Variants in EPS8L3 observed in about 807,000 individuals in gnomAD.
EPS8L3 encodes EPS8 signaling adaptor L3.
EPS8L3 carries 80 observed loss-of-function variants against 88.5 expected under a neutral mutation model. The ratio of observed to expected loss-of-function variants is 0.90; its 90% CI spans 0.75 to 1.09. The LOEUF (loss-of-function observed/expected upper bound fraction) is 1.09. Ranked by LOEUF, EPS8L3 falls within the 50% of genes least tolerant of loss-of-function variation. The pLI is 0.00. For synonymous variants in EPS8L3, 286 were observed against 291.0 expected, an observed-to-expected ratio of 0.98 and a Z score of 0.18; for missense variants, 721 against 735.2, an observed-to-expected ratio of 0.98 and a Z score of 0.22.
Position 109,759,519 on chromosome 1 carries a change from G to T in EPS8L3, c.256-132C>A, listed in dbSNP as rs1650684050. The T allele has an allele frequency of 2.0e-6, 3 of 1,501,886 alleles. No homozygotes were observed. The highest frequency in any genetic ancestry group is 2.7e-6 in the Non-Finnish European group (3 of 1,113,486). 93.0% of individuals were successfully genotyped at this position (1,501,886 alleles called of 1,614,324 possible). On this transcript the variant is annotated intron_variant, in intron 4 of 18. Coordinates refer to ENST00000361965, the MANE Select transcript of EPS8L3 (RefSeq NM_133181.4). This position sits in a 1 kb window ranked among gnomAD's most constrained non-coding sequence, Gnocchi z 4.2. ...TCATCTACCTGACTCTTGTGCCTCT[G>T]TCCCCAGCCTCTGTCCCCTGTCTCT...
At chr1:109,751,513 A>C in intron 16 of EPS8L3, 141 bp downstream of exon 16, 1 of 1,397,916 alleles carries the variant, frequency 7.2e-7, no homozygotes, top group Non-Finnish European at 9.9e-7. Flanking sequence ...CTCTGGCCCC[A>C]TGATAAAGTT....
chr1:109,751,967 C>A, intron 15 of EPS8L3, 28 bp downstream of exon 15: 1 of 1,574,910 alleles, frequency 6.3e-7, no homozygotes, highest in Non-Finnish European at 8.6e-7. Context: ...CCACCACCTC[C>A]TTTTCTAGCC....
intron 7 of EPS8L3, 45 bp downstream of exon 7, chr1:109,758,479 T>C (rs1307196296): frequency 6.4e-7 from 1 of 1,562,202 alleles, no homozygotes; most frequent in Non-Finnish European, 8.7e-7. Flanking sequence ...CTTTGACTTT[T>C]CATCGAAACC....
In EPS8L3 at chr1:109,750,723, C is replaced by A. The variant is rs1315738876; in HGVS notation, c.1707G>T (p.Met569Ile). The A allele has an allele frequency of 1.9e-6, 3 of 1,614,108 alleles. No homozygotes were observed. The highest frequency in any genetic ancestry group is 1.3e-5 in the African/African-American group (1 of 74,950). Residue 569 changes from methionine (M) to isoleucine (I), a missense_variant, in exon 18 of 19, where the codon ATG (methionine) becomes ATT (isoleucine). Met to Ile is a conservative substitution (Grantham distance 10). Coordinates refer to ENST00000361965, the MANE Select transcript of EPS8L3 (RefSeq NM_133181.4). ...TTCGTGGGGCCTCCTGTGGACATAG[C>A]ATCTGTAGCTCCCCAGGTCTTATGC... The part of the protein sequence containing the change: ...LLRIRPGELQ[M>I]LCPQEAPRIL...
rs1650613052 is a variant in EPS8L3 at position 109,759,088 on chromosome 1, C to T, written c.435G>A (p.Lys145=). 6.2e-7 allele frequency: 1 copy of T among 1,609,782 alleles called. No homozygotes were observed. Among genetic ancestry groups the T allele is most frequent in the Non-Finnish European group, 8.5e-7 (1 of 1,178,832 alleles). Residue 145 remains lysine, a synonymous_variant, in exon 6 of 19, where the codon AAG becomes AAA. Coordinates refer to ENST00000361965, the MANE Select transcript of EPS8L3 (RefSeq NM_133181.4). This position sits in a 1 kb window ranked among gnomAD's most constrained non-coding sequence, Gnocchi z 4.2. ...TTTGCTCCAGCTCTTCCTCCAGAGC[C>T]TTCTGCAGGCTGGTCTTCAGTCGCT... ...GAERLKTSLQ[K]ALEEELEQRP...
At chr1:109,760,222 G>A (rs1356060623) in intron 3 of EPS8L3, among the ~76,000 whole-genome samples, 1 of 152,100 alleles carries the variant, frequency 6.6e-6, no homozygotes, top group East Asian at 1.9e-4. Context: ...GGCTTCCTTT[G>A]TTCCTTTTGG....
chr1:109,757,086 A>G lies in EPS8L3; in HGVS notation c.1049T>C (p.Leu350Pro). Residue 350 changes from leucine (L) to proline (P), a missense_variant, in exon 12 of 19, where the codon CTA (leucine) becomes CCA (proline). Coordinates refer to ENST00000361965, the MANE Select transcript of EPS8L3 (RefSeq NM_133181.4). ...CTCAGGTGGGCTTAGACAGGACTGT[A>G]GCAGGTTGATAGCTTTAGGGGTGAG... is the stretch of plus-strand genomic sequence containing the variant. ...PLLTPKAINL[L>P]QSCLSPPESN... The G allele has an allele frequency of 6.2e-7, 1 of 1,614,160 alleles. No individual in the cohort carries two copies. Among genetic ancestry groups the G allele is most frequent in the Non-Finnish European group, 8.5e-7 (1 of 1,179,998 alleles).
chr1:109,752,055 C>G lies in EPS8L3; in HGVS notation c.1374G>C (p.Leu458Phe), dbSNP rs370318041. ...GTGGGTTCCTAGCTTCAAACTCGTA[C>G]AAGACTTGCATTTTCAGGGCTGGCT... The part of the protein sequence containing the change: ...PAQPALKMQV[L>F]YEFEARNPRE... Residue 458 changes from leucine to phenylalanine, a missense_variant, in exon 15 of 19, where the codon TTG becomes TTC. Coordinates refer to ENST00000361965, the MANE Select transcript of EPS8L3 (RefSeq NM_133181.4). 6.2e-7 allele frequency: 1 copy of G among 1,613,866 alleles called. No homozygotes were observed. The highest frequency in any genetic ancestry group is 1.3e-5 in the African/African-American group (1 of 74,886).
chr1:109,761,830 C>T lies in EPS8L3; in HGVS notation c.-24-57G>A, dbSNP rs1477205117. On this transcript the variant is annotated intron_variant, in intron 1 of 18. Transcript: ENST00000361965. Reference sequence around the variant, plus strand: ...CAGAGCTGGGGAAAGGTGTACCAGGCACAGCAGGGCAGGACAGTTGCTATT... The same window carrying T: ...CAGAGCTGGGGAAAGGTGTACCAGGTACAGCAGGGCAGGACAGTTGCTATT... The T allele has an allele frequency of 2.7e-6, 4 of 1,493,248 alleles. No homozygotes were observed. The African/African-American group carries it at 4.1e-5, about 15-fold the overall frequency. The allele number at this position is 1,493,248 out of a possible 1,614,324, so 92.5% of individuals were successfully genotyped here. A position where few individuals can be genotyped will look rare whatever the true frequency, so the allele number is the denominator to read the frequency against.
Position 109,750,372 on chromosome 1 carries a change from G to T in EPS8L3, c.*19C>A. On this transcript the variant is annotated 3_prime_UTR_variant, in exon 19 of 19. Transcript: ENST00000361965. ...TTGCATCAGCGGGGCCTGGTTCTTG[G>T]AGGTGTCTAAGCTGGTGCCTAAGGG... 7 of 1,613,694 alleles carry T rather than the reference G, an allele frequency of 4.3e-6. No homozygotes were observed. Among genetic ancestry groups the T allele is most frequent in the Non-Finnish European group, 5.1e-6 (6 of 1,179,844 alleles).
chr1:109,757,835 GC>G lies in EPS8L3; in HGVS notation c.860del (p.Cys287SerfsTer19). The G allele has an allele frequency of 6.2e-7, 1 of 1,614,202 alleles. No individual in the cohort carries two copies. The highest frequency in any genetic ancestry group is 1.1e-5 in the South Asian group (1 of 91,088). On this transcript the variant is annotated frameshift_variant, in exon 10 of 19. Transcript: ENST00000361965. LOFTEE classifies it high-confidence loss of function. ...TGAAGCTGTGCTTGATCTTCTGGAA[GC>G]AGTCAATGTACTGTGCCTGGGTGAG... ...GGLTQAQYIDCFQKIKHSFNL... is the reference protein window; with the variant it reads ...GGLTQAQYIDXFQKIKHSFNL...
At chr1:109,757,215 A>G (rs766745634) in intron 11 of EPS8L3, 50 bp from the exon 12 acceptor site, 4 of 1,533,582 alleles carry the variant, frequency 2.6e-6, no homozygotes, top group Admixed American at 4.2e-5. Context: ...CACAGGGCCC[A>G]GTGAGGGTGG....
chr1:109,756,324 C>T (rs760274977), intron 12 of EPS8L3, among the ~76,000 whole-genome samples: 6 of 152,182 alleles, frequency 3.9e-5, no homozygotes, highest in African/African-American at 9.7e-5. Flanking sequence ...CTACAACCTC[C>T]GCCTCCCAGG....
At position 109,757,070 on chromosome 1, in the gene EPS8L3, G is replaced by A; in HGVS notation, c.1065C>T (p.Ser355=). The change falls in exon 12 of 19, where the codon AGC becomes AGT. Residue 355 remains serine (S), a synonymous_variant. Coordinates refer to ENST00000361965, the MANE Select transcript of EPS8L3 (RefSeq NM_133181.4). The part of the protein sequence containing the change: ...KAINLLQSCL[S]PPESNLWMGL... ...CCATCCAAAGGTTACTCTCAGGTGGGCTTAGACAGGACTGTAGCAGGTTGA... is the reference window on the plus strand; with the variant it reads ...CCATCCAAAGGTTACTCTCAGGTGGACTTAGACAGGACTGTAGCAGGTTGA... 2 of 1,614,200 alleles carry A rather than the reference G, an allele frequency of 1.2e-6. No homozygotes were observed. The highest frequency in any genetic ancestry group is 1.7e-6 in the Non-Finnish European group (2 of 1,180,036).
At chr1:109,763,468 G>A (rs78864188) in intron 1 of EPS8L3, among the ~76,000 whole-genome samples, 69 of 152,288 alleles carry the variant, frequency 4.5e-4, no homozygotes, top group African/African-American at 1.5e-3. Flanking sequence ...CTACCCCAGG[G>A]AGGGAAGAGG....
rs903131050 is a variant in EPS8L3, at chr1:109,753,265, G to C, written c.1119-67C>G. ...ACTCTGATGCCAGGCTGTGGGACGC[G>C]GACAGGGAGGGGACGACAGGGCCTA... is the stretch of plus-strand genomic sequence containing the variant. On this transcript the variant is annotated intron_variant, in intron 12 of 18. Transcript: ENST00000361965. 7 of 1,334,552 alleles carry C rather than the reference G, an allele frequency of 5.2e-6. No individual in the cohort carries two copies. In the African/African-American group the frequency reaches 1.0e-4, roughly 20 times the overall value. 82.7% of individuals were successfully genotyped at this position (1,334,552 alleles called of 1,614,324 possible). A position where few individuals can be genotyped will look rare whatever the true frequency, so the allele number is the denominator to read the frequency against.
chr1:109,760,749 C>T (rs1291338284), intron 3 of EPS8L3, among the ~76,000 whole-genome samples: 2 of 152,078 alleles, frequency 1.3e-5, no homozygotes, highest in East Asian at 3.9e-4. Flanking sequence ...AGACCATCGC[C>T]CCAGCTCCCT....
At position 109,750,795 on chromosome 1, in the gene EPS8L3, G is replaced by A. The variant is rs376713952; in HGVS notation, c.1638-3C>T. The A allele has an allele frequency of 6.8e-6, 11 of 1,614,160 alleles. No individual in the cohort carries two copies. The highest frequency in any genetic ancestry group is 9.3e-6 in the Non-Finnish European group (11 of 1,180,002). On this transcript the variant is annotated splice_region_variant and splice_polypyrimidine_tract_variant and intron_variant, in intron 17 of 18. Coordinates refer to ENST00000361965, the MANE Select transcript of EPS8L3 (RefSeq NM_133181.4). ...GGGACCCAAGTGTCCTCACCGTGCT[G>A]TGAACAAAACAGCAAAAGCCATCCG...
chr1:109,750,688 C>G lies in EPS8L3; in HGVS notation c.1742G>C (p.Arg581Pro). The change falls in exon 18 of 19, where the codon CGG becomes CCG. Residue 581 changes from arginine to proline, a missense_variant. By Grantham distance (103) the Arg-to-Pro change is moderately radical. Coordinates refer to ENST00000361965, the MANE Select transcript of EPS8L3 (RefSeq NM_133181.4). ...CPQEAPRILS[R>P]LEAVRRMLGI... ...CAGCATCCTTCTGACAGCCTCCAGC[C>G]GGGACAGGATTCGTGGGGCCTCCTG... The G allele has an allele frequency of 1.2e-6, 2 of 1,614,146 alleles. No individual in the cohort carries two copies. Among genetic ancestry groups the G allele is most frequent in the Non-Finnish European group, 1.7e-6 (2 of 1,180,024 alleles).
Sources: allele counts gnomAD v4.1 joint callset (sites outside exome capture counted in the v4.1 genomes callset), GRCh38; gene constraint gnomAD v4.1.1; non-coding constraint Gnocchi (gnomAD v3.1); transcripts MANE v1.5; gene names NCBI Gene and HGNC (gene_info 2026-07-23, HGNC 2026-07-21).